QKI: variants seen among roughly 807,000 people sequenced by gnomAD.
The protein encoded by QKI is KH domain-containing RNA-binding protein QKI.
A neutral mutation model predicts 39.0 loss-of-function variants in QKI; 10 were observed. That is an observed-to-expected ratio of 0.26 (90% CI 0.16 to 0.43). QKI has a LOEUF of 0.43. Among genes scored for constraint, QKI ranks in the 20% least tolerant of loss-of-function variants. The pLI, the probability that QKI is intolerant of heterozygous loss-of-function variation, is 1.00. For synonymous variants in QKI, 204 were observed against 155.4 expected, an observed-to-expected ratio of 1.31 and a Z score of -2.33; for missense variants, 218 against 428.0, an observed-to-expected ratio of 0.51 and a Z score of 4.33.
intron 3 of QKI, among the ~76,000 whole-genome samples, chr6:163,518,747 T>C (rs1779978789): frequency 6.6e-6 from 1 of 152,180 alleles, no homozygotes; most frequent in Admixed American, 6.5e-5. Context: ...ACTGCAGACA[T>C]AGAGGTTGAG....
At chr6:163,566,478 G>T in intron 6 of QKI, 1 of 1,331,748 alleles carries the variant, frequency 7.5e-7, no homozygotes, top group South Asian at 1.6e-5. Context: ...TGTAACTTGG[G>T]GATTGTAAAT....
intron 1 of QKI, among the ~76,000 whole-genome samples, chr6:163,427,243 CTTTTTTTT>C (rs11375326): frequency 2.3e-5 from 2 of 85,788 alleles, no homozygotes; most frequent in African/African-American, 4.6e-5. Context: ...ATACTCGTAC[CTTTTTTTT>C]TTTTTTTTTT....
chr6:163,494,493 A>G (rs1778273997), intron 3 of QKI, among the ~76,000 whole-genome samples: 1 of 152,242 alleles, frequency 6.6e-6, no homozygotes, highest in Admixed American at 6.5e-5. Context: ...TTTCACGGTC[A>G]TTCAGACACG....
intron 2 of QKI, among the ~76,000 whole-genome samples, chr6:163,468,907 A>G (rs1327170321): frequency 2.0e-5 from 3 of 150,456 alleles, no homozygotes; most frequent in East Asian, 1.9e-4. Context: ...TGCTGTGATT[A>G]GTTTTTTTTT....
chr6:163,499,426 G>A (rs982389283), intron 3 of QKI, among the ~76,000 whole-genome samples: 3 of 152,162 alleles, frequency 2.0e-5, no homozygotes, highest in African/African-American at 7.2e-5. Context: ...CTCCTTTGAT[G>A]ATATGATTAA....
chr6:163,458,309 C>A (rs1052812937), intron 2 of QKI, among the ~76,000 whole-genome samples: 1 of 152,126 alleles, frequency 6.6e-6, no homozygotes, highest in African/African-American at 2.4e-5. Context: ...AAACCTCTCA[C>A]AAGATTATGA....
At chr6:163,453,877 T>G (rs995141539) in intron 1 of QKI, among the ~76,000 whole-genome samples, 1 of 152,142 alleles carries the variant, frequency 6.6e-6, no homozygotes, top group Non-Finnish European at 1.5e-5. Context: ...TTTAATTGAT[T>G]AAGATTTTAT....
intron 3 of QKI, among the ~76,000 whole-genome samples, chr6:163,497,322 A>AT (rs1778469973): frequency 6.6e-6 from 1 of 152,118 alleles, no homozygotes; most frequent in Non-Finnish European, 1.5e-5. Flanking sequence ...AAGATTGGAA[A>AT]TTTCGCTCTT....
Position 163,573,601 on chromosome 6 carries a change from T to G in QKI, c.*2891T>G, listed in dbSNP as rs975923522. 2 of 152,200 alleles carry G rather than the reference T, an allele frequency of 1.3e-5. No homozygotes were observed. Among genetic ancestry groups the G allele is most frequent in the African/African-American group, 4.8e-5 (2 of 41,456 alleles). 9.4% of individuals were successfully genotyped at this position (152,200 alleles called of 1,614,324 possible). A position where few individuals can be genotyped will look rare whatever the true frequency, so the allele number is the denominator to read the frequency against. On this transcript the variant is annotated 3_prime_UTR_variant, in exon 8 of 8. Transcript: ENST00000361752. The stretch of plus-strand genomic sequence containing the variant: ...ATCCACAATTTTGATAACTGAAAAT[T>G]GCCAATTGTTTTGCAGTACTTTATT...
chr6:163,533,243 C>T (rs903484409), intron 3 of QKI, among the ~76,000 whole-genome samples: 1 of 152,012 alleles, frequency 6.6e-6, no homozygotes, highest in African/African-American at 2.4e-5. Flanking sequence ...TTTTTCTTGC[C>T]ACAGTTAGAG....
chr6:163,442,220 A>C (rs2128215194), intron 1 of QKI, among the ~76,000 whole-genome samples: 1 of 152,358 alleles, frequency 6.6e-6, no homozygotes, highest in South Asian at 2.1e-4. Flanking sequence ...TAATTTGTTT[A>C]GTTGGAAAAT....
At chr6:163,415,575 C>G (rs1246469085) in intron 1 of QKI, among the ~76,000 whole-genome samples, 1 of 151,626 alleles carries the variant, frequency 6.6e-6, no homozygotes, top group Non-Finnish European at 1.5e-5. Context: ...GCGCCGCTGG[C>G]GTCCAAGTTG....
In QKI at chr6:163,573,513, G is replaced by C. The variant is rs1017416164; in HGVS notation, c.*2803G>C. The C allele has an allele frequency of 1.4e-4, 21 of 152,164 alleles. No homozygotes were observed. The highest frequency in any genetic ancestry group is 3.4e-3 in the Middle Eastern group (1 of 292). The allele number at this position is 152,164 out of a possible 1,614,324, so 9.4% of individuals were successfully genotyped here. On this transcript the variant is annotated 3_prime_UTR_variant, in exon 8 of 8. Coordinates refer to ENST00000361752, the MANE Select transcript of QKI (RefSeq NM_006775.3). Reference sequence around the variant, plus strand: ...TGTATTTTTCTATCTTGTTTTATATGTATGTTATATAACATTCAAAAAGAA... The same window carrying C: ...TGTATTTTTCTATCTTGTTTTATATCTATGTTATATAACATTCAAAAAGAA...
chr6:163,568,639 A>T (rs899457534), intron 7 of QKI: 24 of 974,308 alleles, frequency 2.5e-5, no homozygotes, highest in Middle Eastern at 5.3e-4. Context: ...AAATTATTTT[A>T]AAAAAATATT....
chr6:163,493,019 TC>T (rs1778158737), intron 3 of QKI, among the ~76,000 whole-genome samples: 1 of 152,218 alleles, frequency 6.6e-6, no homozygotes, highest in South Asian at 2.1e-4. Context: ...AAAAATCTAA[TC>T]TTCCCCATTT....
chr6:163,504,769 G>T (rs1182355097), intron 3 of QKI, among the ~76,000 whole-genome samples: 3 of 152,050 alleles, frequency 2.0e-5, no homozygotes, highest in African/African-American at 7.2e-5. Context: ...TGTTCTCTAG[G>T]TATCAAATCA....
intron 3 of QKI, among the ~76,000 whole-genome samples, chr6:163,502,273 A>T (rs548634587): frequency 6.6e-6 from 1 of 152,046 alleles, no homozygotes; most frequent in East Asian, 1.9e-4. Flanking sequence ...CAATGAGCTG[A>T]GATTGCACCA....
At chr6:163,463,695 A>T (rs190233649) in intron 2 of QKI, among the ~76,000 whole-genome samples, 36 of 152,342 alleles carry the variant, frequency 2.4e-4, no homozygotes, top group African/African-American at 7.9e-4. Flanking sequence ...CTAAGTAACA[A>T]TTAGAAAAAA....
intron 7 of QKI, chr6:163,569,737 C>T (rs1783591800): frequency 2.0e-6 from 2 of 994,450 alleles, no homozygotes; most frequent in Non-Finnish European, 2.4e-6. Flanking sequence ...AAATATAAAG[C>T]AGGAATGTAT....
Sources: gnomAD v4.1 joint callset for allele counts (sites outside exome capture counted in the v4.1 genomes callset) on GRCh38, gnomAD v4.1.1 for gene constraint, MANE v1.5 for transcripts, NCBI Gene and HGNC (gene_info 2026-07-23, HGNC 2026-07-21) for gene names.